B3GLCT: variants seen among roughly 807,000 people sequenced by gnomAD.
The protein encoded by B3GLCT is beta-1,3-glucosyltransferase.
A neutral mutation model predicts 63.4 loss-of-function variants in B3GLCT; 65 were observed. The ratio of observed to expected loss-of-function variants is 1.03; its 90% confidence interval spans 0.84 to 1.26. B3GLCT has a LOEUF of 1.26. B3GLCT is among the 50% of genes most tolerant of loss of function. The pLI is 0.00. For synonymous variants in B3GLCT, 233 were observed against 219.2 expected (o/e 1.06, Z -0.55); for missense variants, 577 against 604.8 (o/e 0.95, Z 0.48).
chr13:31,235,109 C>T (rs1030826263), intron 4 of B3GLCT, among the ~76,000 whole-genome samples: 1 of 151,954 alleles, frequency 6.6e-6, no homozygotes, highest in Admixed American at 6.6e-5. Context: ...AGGGGTGCTG[C>T]AGGGCCAGAA....
In B3GLCT at chr13:31,239,066, A is replaced by G. The variant is rs377579495; in HGVS notation, c.271-7957A>G. Among the ~76,000 whole-genome samples, 66 of 152,358 alleles carry G rather than the reference A, an allele frequency of 4.3e-4. 1 individual carries two copies. The highest frequency in any genetic ancestry group is 1.6e-3 in the African/African-American group (65 of 41,594). ...GAACATAGTTCTGGAAGATGAAGAC[A>G]TGAATTGCCAGAAGGTCTGCTTTTG... On this transcript the variant is annotated intron_variant, in intron 4 of 14. Coordinates refer to ENST00000343307, the MANE Select transcript of B3GLCT (RefSeq NM_194318.4).
At chr13:31,282,614 C>A (rs1282653101) in intron 10 of B3GLCT, among the ~76,000 whole-genome samples, 1 of 148,048 alleles carries the variant, frequency 6.8e-6, no homozygotes, top group Non-Finnish European at 1.5e-5. Flanking sequence ...TGCACTCCAG[C>A]CTGGGCAACA....
intron 14 of B3GLCT, among the ~76,000 whole-genome samples, chr13:31,324,102 C>T (rs1037398744): frequency 1.3e-5 from 2 of 152,178 alleles, no homozygotes; most frequent in African/African-American, 4.8e-5. Flanking sequence ...GAGGCAAAAA[C>T]GTCTCGAAAA....
intron 10 of B3GLCT, among the ~76,000 whole-genome samples, chr13:31,281,645 T>G (rs1873074687): frequency 6.6e-6 from 1 of 152,158 alleles, no homozygotes; most frequent in Non-Finnish European, 1.5e-5. Context: ...GTCTTTAAAA[T>G]GAGGAATTAG....
chr13:31,301,168 G>A (rs767378184), intron 12 of B3GLCT, among the ~76,000 whole-genome samples: 1 of 152,170 alleles, frequency 6.6e-6, no homozygotes, highest in Non-Finnish European at 1.5e-5. Flanking sequence ...CTGTAGCAAG[G>A]AAGTAAATGC....
chr13:31,267,842 T>C (rs919363763), intron 7 of B3GLCT, among the ~76,000 whole-genome samples: 4 of 151,872 alleles, frequency 2.6e-5, no homozygotes, highest in African/African-American at 9.7e-5. Context: ...TTAAAATTTT[T>C]GTTTCTTTCT....
intron 4 of B3GLCT, among the ~76,000 whole-genome samples, chr13:31,246,675 T>C (rs973155142): frequency 6.6e-6 from 1 of 152,210 alleles, no homozygotes; most frequent in African/African-American, 2.4e-5. Flanking sequence ...CCCTGACTAC[T>C]TCCCCCAGGC....
At position 31,314,876 on chromosome 13, in the gene B3GLCT, A is replaced by G. The variant is rs140889198; in HGVS notation, c.1065-2690A>G. On this transcript the variant is annotated intron_variant, in intron 12 of 14. Transcript: ENST00000343307. ...TGTGGGAGGGACCCAGTGGGAGGTA[A>G]TTGAATCCTGAGGGCTGGTCTTTCC... 4.6e-3 allele frequency among the ~76,000 whole-genome samples: 698 copies of G among 152,284 alleles called. 2 individuals carry two copies. The highest frequency in any genetic ancestry group is 7.4e-3 in the Non-Finnish European group (505 of 68,018).
chr13:31,246,714 T>A (rs1022233114), intron 4 of B3GLCT, among the ~76,000 whole-genome samples: 4 of 152,178 alleles, frequency 2.6e-5, no homozygotes, highest in Admixed American at 1.3e-4. Context: ...TTCACAGATT[T>A]CAGGTTGGCT....
intron 1 of B3GLCT, among the ~76,000 whole-genome samples, chr13:31,200,776 T>C (rs1367851349): frequency 6.6e-6 from 1 of 151,978 alleles, no homozygotes; most frequent in African/African-American, 2.4e-5. Flanking sequence ...GCGCCAGCCC[T>C]TCCCGGATTC....
intron 7 of B3GLCT, 41 bp downstream of exon 7, chr13:31,261,123 G>A (rs1412314602): frequency 6.3e-7 from 1 of 1,577,900 alleles, no homozygotes; most frequent in African/African-American, 1.4e-5. Context: ...CGGGAGGGGT[G>A]TGCATCAACT....
intron 12 of B3GLCT, among the ~76,000 whole-genome samples, chr13:31,305,407 A>T (rs1874373672): frequency 1.2e-5 from 1 of 83,652 alleles, no homozygotes; most frequent in Admixed American, 1.5e-4. Flanking sequence ...TTTTGAAAGG[A>T]TCAACAAAAT....
chr13:31,285,936 CGTATT>C lies in B3GLCT; in HGVS notation c.965-780_965-776del, dbSNP rs562617874. Among the ~76,000 whole-genome samples, 350 of 152,092 alleles carry C rather than the reference CGTATT, an allele frequency of 2.3e-3. 2 individuals carry two copies. The highest frequency in any genetic ancestry group is 4.2e-3 in the Non-Finnish European group (283 of 68,002). On this transcript the variant is annotated intron_variant, in intron 11 of 14. Coordinates refer to ENST00000343307, the MANE Select transcript of B3GLCT (RefSeq NM_194318.4). Reference sequence around the variant, plus strand: ...AGGGATTTGAGGTGGCTTTGAAACACGTATTGTAATGGTTAAAAATACACAGAGAT... The same window carrying C: ...AGGGATTTGAGGTGGCTTTGAAACACGTAATGGTTAAAAATACACAGAGAT...
At chr13:31,328,413 G>T (rs781658081) in intron 14 of B3GLCT, among the ~76,000 whole-genome samples, 3 of 151,988 alleles carry the variant, frequency 2.0e-5, no homozygotes, top group Admixed American at 1.3e-4. Flanking sequence ...ATGATTACTG[G>T]CTGGGCAAAG....
rs895154895 is a variant in B3GLCT at position 31,231,171 on chromosome 13, G to T, written c.270+1877G>T. Reference sequence around the variant, plus strand: ...GGAGGCGCTAGTGGGGTGGCCACGCGCAGGCTGCTGCAGGGAGGAGGAGGA... The same window carrying T: ...GGAGGCGCTAGTGGGGTGGCCACGCTCAGGCTGCTGCAGGGAGGAGGAGGA... On this transcript the variant is annotated intron_variant, in intron 4 of 14. Coordinates refer to ENST00000343307, the MANE Select transcript of B3GLCT (RefSeq NM_194318.4). Among the ~76,000 whole-genome samples the T allele has an allele frequency of 3.9e-5, 6 of 152,168 alleles. No homozygotes were observed. In the South Asian group the frequency reaches 1.2e-3, roughly 32 times the overall value.
intron 1 of B3GLCT, among the ~76,000 whole-genome samples, chr13:31,214,267 TG>T (rs111237312): frequency 3.3e-5 from 5 of 152,342 alleles, no homozygotes; most frequent in African/African-American, 1.2e-4. Context: ...TCTTAGCTGT[TG>T]GGGAGAAATG....
At chr13:31,253,622 C>CAAAA (rs57351096) in intron 6 of B3GLCT, among the ~76,000 whole-genome samples, 3 of 60,918 alleles carry the variant, frequency 4.9e-5, no homozygotes, top group East Asian at 4.1e-4. Flanking sequence ...AAAAAAAAAA[C>CAAAA]TAGAGAAGCA....
At chr13:31,247,794 T>G (rs566881850) in intron 5 of B3GLCT, 61 bp from the exon 6 acceptor site, 1 of 863,938 alleles carries the variant, frequency 1.2e-6, no homozygotes, top group South Asian at 1.4e-5. Context: ...TGATCAGTTT[T>G]AAACCTTATT....
intron 6 of B3GLCT, among the ~76,000 whole-genome samples, chr13:31,258,525 A>T (rs1266541339): frequency 6.6e-6 from 1 of 151,934 alleles, no homozygotes; most frequent in African/African-American, 2.4e-5. Context: ...TCCACCTAAG[A>T]TATTTTTGCT....
Sources: allele counts gnomAD v4.1 joint callset (sites outside exome capture counted in the v4.1 genomes callset), GRCh38; gene constraint gnomAD v4.1.1; transcripts MANE v1.5; gene names NCBI Gene and HGNC (gene_info 2026-07-23, HGNC 2026-07-21).